The following SLCO6A1 variants were observed in gnomAD, a reference collection of about 807,000 sequenced individuals.
SLCO6A1 encodes the protein cancer/testis antigen 48.
Under a neutral mutation model 72.7 loss-of-function variants are expected in SLCO6A1, and 65 were observed. That is an observed-to-expected ratio of 0.89 (90% CI 0.73 to 1.10). The LOEUF is 1.10. SLCO6A1 is among the 50% of genes least tolerant of loss of function. SLCO6A1 has a pLI of 0.00. For missense variants in SLCO6A1, 874 were observed against 872.6 expected, an observed-to-expected ratio of 1.00 and a Z score of -0.02; for synonymous variants, 314 against 298.2, an observed-to-expected ratio of 1.05 and a Z score of -0.55.
At chr5:102,412,823 A>AG (rs2112588144) in intron 9 of SLCO6A1, among the ~76,000 whole-genome samples, 167 bp downstream of exon 9, 1 of 152,124 alleles carries the variant, frequency 6.6e-6, no homozygotes, top group Admixed American at 6.5e-5. Flanking sequence ...AACACTTAAA[A>AG]GGGGAAAATA....
At chr5:102,453,862 G>T (rs1750563252) in intron 6 of SLCO6A1, among the ~76,000 whole-genome samples, 1 of 152,074 alleles carries the variant, frequency 6.6e-6, no homozygotes, top group Non-Finnish European at 1.5e-5. Flanking sequence ...TACATGGATT[G>T]GATCACATAT....
At chr5:102,481,480 C>A (rs942967490) in intron 1 of SLCO6A1, among the ~76,000 whole-genome samples, 1 of 152,186 alleles carries the variant, frequency 6.6e-6, no homozygotes, top group Admixed American at 6.5e-5. Context: ...GCCACAGATT[C>A]ACTTGCAGCA....
At chr5:102,405,310 T>G (rs1747612875) in intron 9 of SLCO6A1, among the ~76,000 whole-genome samples, 1 of 151,820 alleles carries the variant, frequency 6.6e-6, no homozygotes, top group Non-Finnish European at 1.5e-5. Context: ...GGTGAAAATA[T>G]AAATTTATGG....
chr5:102,382,174 G>A (rs1027484257), intron 12 of SLCO6A1, among the ~76,000 whole-genome samples: 50 of 151,502 alleles, frequency 3.3e-4, no homozygotes, highest in African/African-American at 1.1e-3. Context: ...ATTGATTTTT[G>A]TATATAGCAT....
At chr5:102,405,436 A>G (rs757563396) in intron 9 of SLCO6A1, among the ~76,000 whole-genome samples, 4 of 152,046 alleles carry the variant, frequency 2.6e-5, no homozygotes, top group Non-Finnish European at 5.9e-5. Flanking sequence ...TAGATAAAAC[A>G]ATATATATTA....
intron 4 of SLCO6A1, among the ~76,000 whole-genome samples, chr5:102,472,242 A>C (rs1333521709): frequency 3.9e-5 from 6 of 152,150 alleles, no homozygotes; most frequent in South Asian, 4.1e-4. Context: ...CTGAAAACTT[A>C]TCTGTTTCCT....
chr5:102,415,505 T>C (rs762494571), intron 8 of SLCO6A1, among the ~76,000 whole-genome samples: 7 of 152,124 alleles, frequency 4.6e-5, no homozygotes, highest in Non-Finnish European at 1.0e-4. Flanking sequence ...TGGATTGTTA[T>C]GTATAAGAGA....
At chr5:102,372,695 GA>G (rs1316022083) in intron 13 of SLCO6A1, among the ~76,000 whole-genome samples, 8 of 150,080 alleles carry the variant, frequency 5.3e-5, no homozygotes, top group African/African-American at 1.7e-4. Flanking sequence ...AAAAAAAAAG[GA>G]AAAAGGTAAC....
chr5:102,494,740 A>G (rs1250295448), intron 1 of SLCO6A1, among the ~76,000 whole-genome samples: 1 of 152,220 alleles, frequency 6.6e-6, no homozygotes, highest in African/African-American at 2.4e-5. Context: ...AATTTTAAGA[A>G]CTGACAATAC....
chr5:102,433,249 T>C (rs942751929), intron 7 of SLCO6A1, among the ~76,000 whole-genome samples: 5 of 152,228 alleles, frequency 3.3e-5, no homozygotes, highest in African/African-American at 4.8e-5. Flanking sequence ...ATCCATATTC[T>C]GAATTCTATT....
rs576141439 is a variant in SLCO6A1, at chr5:102,446,383, T to C, written c.1132-7622A>G. ...TGGCTCTCAGCTTGGACATTATTGG[T>C]GTAGAGAAATGCTACTGATTTCTGT... On this transcript the variant is annotated intron_variant, in intron 6 of 13. Coordinates refer to ENST00000506729, the MANE Select transcript of SLCO6A1 (RefSeq NM_173488.5). 5.9e-5 allele frequency among the ~76,000 whole-genome samples: 9 copies of C among 152,256 alleles called. No homozygotes were observed. In the Middle Eastern group the frequency reaches 0.01, roughly 173 times the overall value.
At chr5:102,415,193 G>T (rs1426400166) in intron 8 of SLCO6A1, among the ~76,000 whole-genome samples, 1 of 151,974 alleles carries the variant, frequency 6.6e-6, no homozygotes, top group Non-Finnish European at 1.5e-5. Context: ...CATTTTTATA[G>T]AATTTTTTAA....
rs376484732 is a variant in SLCO6A1 at position 102,458,338 on chromosome 5, A to C, written c.1131+44T>G. 6 of 1,373,318 alleles carry C rather than the reference A, an allele frequency of 4.4e-6. No homozygotes were observed. The African/African-American group carries it at 8.7e-5, about 20-fold the overall frequency. 85.1% of individuals were successfully genotyped at this position (1,373,318 alleles called of 1,614,324 possible). A position where few individuals can be genotyped will look rare whatever the true frequency, so the allele number is the denominator to read the frequency against. ...TAAGTTCATTATTAGAAAATTAAAC[A>C]GGTCAACTTAGTTGGATTGTTCAAG... On this transcript the variant is annotated intron_variant, in intron 6 of 13. Transcript: ENST00000506729.
At chr5:102,439,799 C>A (rs1408517542) in intron 6 of SLCO6A1, among the ~76,000 whole-genome samples, 1 of 152,146 alleles carries the variant, frequency 6.6e-6, no homozygotes, top group Admixed American at 6.5e-5. Context: ...CAGAATGTAT[C>A]AGGTTACACT....
chr5:102,388,640 T>A, intron 12 of SLCO6A1, 48 bp downstream of exon 12: 1 of 1,321,070 alleles, frequency 7.6e-7, no homozygotes, highest in Non-Finnish European at 1.0e-6. Context: ...AACCATAACT[T>A]TTAGAAATAA....
chr5:102,373,431 C>A lies in SLCO6A1; in HGVS notation c.2081G>T (p.Arg694Leu). 1 of 1,576,556 alleles carries A rather than the reference C, an allele frequency of 6.3e-7. No homozygotes were observed. The highest frequency in any genetic ancestry group is 1.2e-5 in the South Asian group (1 of 83,022). Residue 694 changes from arginine to leucine, a missense_variant, in exon 13 of 14, where the codon CGT (arginine) becomes CTT (leucine). Transcript: ENST00000506729. ...TTIAFFIYKR[R>L]LNENTDFPDV... ...TGGGAAGTCAGTGTTCTCATTTAGA[C>A]GACGTTTGTATATGAAAAATGCAAT...
intron 10 of SLCO6A1, 22 bp from the exon 11 acceptor site, chr5:102,391,067 A>G (rs1336916389): frequency 1.3e-6 from 2 of 1,599,404 alleles, no homozygotes; most frequent in Admixed American, 3.3e-5. Flanking sequence ...TAGCAATGAT[A>G]TAATCAGCAC....
chr5:102,401,018 C>T (rs1747367194), intron 9 of SLCO6A1, among the ~76,000 whole-genome samples: 1 of 150,856 alleles, frequency 6.6e-6, no homozygotes, highest in African/African-American at 2.4e-5. Context: ...ATGATAAGTG[C>T]TATGGAGAAA....
chr5:102,430,244 T>C (rs532976873), intron 7 of SLCO6A1, among the ~76,000 whole-genome samples: 4 of 152,300 alleles, frequency 2.6e-5, no homozygotes, highest in African/African-American at 9.6e-5. Context: ...TCATGTTGTT[T>C]GCAAACAGGG....
Sources: gnomAD v4.1 joint callset for allele counts (sites outside exome capture counted in the v4.1 genomes callset) on GRCh38, gnomAD v4.1.1 for gene constraint, MANE v1.5 for transcripts, NCBI Gene and HGNC (gene_info 2026-07-23, HGNC 2026-07-21) for gene names.